Variants in CACNA1D observed in about 807,000 individuals in gnomAD.
CACNA1D encodes voltage-dependent L-type calcium channel subunit alpha-1D.
A neutral mutation model predicts 257.1 loss-of-function variants in CACNA1D; 55 were observed. The observed-to-expected ratio is 0.21, with a 90% CI of 0.17 to 0.27. The LOEUF is 0.27. Ranked by LOEUF, CACNA1D falls within the 10% of genes least tolerant of loss-of-function variation. CACNA1D has a pLI of 1.00. For synonymous variants in CACNA1D, 980 were observed against 1,014.9 expected, an observed-to-expected ratio of 0.97 and a Z score of 0.65; for missense variants, 1,876 against 2,784.0, an observed-to-expected ratio of 0.67 and a Z score of 7.34.
chr3:53,612,318 T>G lies in CACNA1D; in HGVS notation c.484-38461T>G, dbSNP rs1287469923. 3.3e-5 allele frequency among the ~76,000 whole-genome samples: 5 copies of G among 152,332 alleles called. No homozygotes were observed. In the East Asian group the frequency reaches 7.7e-4, roughly 23 times the overall value. ...TGTGGAGCATCTGAATTTTCTTCCTTTAAAGAATGTGTAATTTGTTACGGT... is the reference window on the plus strand; with the variant it reads ...TGTGGAGCATCTGAATTTTCTTCCTGTAAAGAATGTGTAATTTGTTACGGT... On this transcript the variant is annotated intron_variant, in intron 3 of 47. Coordinates refer to ENST00000350061, the MANE Select transcript of CACNA1D (RefSeq NM_001128840.3).
intron 7 of CACNA1D, among the ~76,000 whole-genome samples, chr3:53,671,310 C>T (rs753566086): frequency 8.5e-5 from 13 of 152,168 alleles, no homozygotes; most frequent in Non-Finnish European, 1.5e-4. Flanking sequence ...GATGGGAGCC[C>T]TGGACCTGTC....
At chr3:53,529,823 A>G (rs890279893) in intron 3 of CACNA1D, among the ~76,000 whole-genome samples, 1 of 150,358 alleles carries the variant, frequency 6.7e-6, no homozygotes, top group Admixed American at 6.6e-5. Context: ...AGAATGAATT[A>G]TCTATCTGAT....
rs1156602514 is a variant in CACNA1D, at chr3:53,762,082, G to A, written c.3870+1G>A. 2.5e-6 allele frequency: 4 copies of A among 1,602,192 alleles called. No individual in the cohort carries two copies. Among genetic ancestry groups the A allele is most frequent in the Non-Finnish European group, 2.6e-6 (3 of 1,169,178 alleles). ...AGACGTGGCCCTCAGCGAAGCAGAC[G>A]TGAGTATGCACCTGGCGTGGCCGCC... On this transcript the variant is annotated splice_donor_variant, in intron 30 of 47. Coordinates refer to ENST00000350061, the MANE Select transcript of CACNA1D (RefSeq NM_001128840.3). LOFTEE classifies it high-confidence loss of function.
intron 43 of CACNA1D, among the ~76,000 whole-genome samples, chr3:53,802,712 T>C (rs540475588): frequency 1.1e-4 from 17 of 152,314 alleles, no homozygotes; most frequent in African/African-American, 4.1e-4. Context: ...TGTGTCATGT[T>C]ATGAAGTGAA....
intron 3 of CACNA1D, among the ~76,000 whole-genome samples, chr3:53,521,702 T>G (rs1489336727): frequency 6.6e-6 from 1 of 152,140 alleles, no homozygotes; most frequent in Non-Finnish European, 1.5e-5. Context: ...TGTTAGAAAT[T>G]TTGTCCTTTC....
chr3:53,561,670 A>G (rs1559843823), intron 3 of CACNA1D, among the ~76,000 whole-genome samples: 1 of 152,322 alleles, frequency 6.6e-6, no homozygotes, highest in East Asian at 1.9e-4. Context: ...CTCCTAGATC[A>G]TACTTCTCTT....
chr3:53,650,331 T>G (rs1466445672), intron 3 of CACNA1D, among the ~76,000 whole-genome samples: 1 of 152,242 alleles, frequency 6.6e-6, no homozygotes, highest in African/African-American at 2.4e-5. Flanking sequence ...TCAAAACAGA[T>G]GCATCTTCAT....
intron 19 of CACNA1D, among the ~76,000 whole-genome samples, chr3:53,733,218 T>C (rs994300162): frequency 3.3e-5 from 5 of 152,114 alleles, no homozygotes; most frequent in Non-Finnish European, 5.9e-5. Context: ...CATTCTAGGT[T>C]CTCCTCCCTG....
At chr3:53,646,851 A>G (rs2094026699) in intron 3 of CACNA1D, among the ~76,000 whole-genome samples, 1 of 152,256 alleles carries the variant, frequency 6.6e-6, no homozygotes, top group Non-Finnish European at 1.5e-5. Flanking sequence ...TTCATGCCAC[A>G]GCACTAATAA....
At chr3:53,665,588 T>A (rs2094253517) in intron 5 of CACNA1D, 72 bp from the exon 6 acceptor site, 1 of 1,164,120 alleles carries the variant, frequency 8.6e-7, no homozygotes, top group Non-Finnish European at 1.3e-6. Flanking sequence ...GGAGGCATGG[T>A]TAGGAATTAT....
chr3:53,520,849 C>CTCTTTCTTT (rs746194735), intron 3 of CACNA1D, among the ~76,000 whole-genome samples: 2 of 133,104 alleles, frequency 1.5e-5, no homozygotes, highest in Non-Finnish European at 1.6e-5. Context: ...TTTGCAAACT[C>CTCTTTCTTT]CTTTCTTTCT....
At chr3:53,559,049 C>T (rs531345909) in intron 3 of CACNA1D, among the ~76,000 whole-genome samples, 2 of 151,904 alleles carry the variant, frequency 1.3e-5, no homozygotes, top group Admixed American at 6.5e-5. Context: ...TGAGCCTCTG[C>T]TTATTTTTAT....
intron 45 of CACNA1D, among the ~76,000 whole-genome samples, chr3:53,806,228 C>T (rs867947582): frequency 7.2e-6 from 1 of 138,772 alleles, no homozygotes; most frequent in Non-Finnish European, 1.6e-5. Flanking sequence ...CCCCCTTCCT[C>T]TCCCTTGCCT....
intron 3 of CACNA1D, among the ~76,000 whole-genome samples, chr3:53,570,156 A>T (rs1163181156): frequency 6.6e-6 from 1 of 152,190 alleles, no homozygotes; most frequent in African/African-American, 2.4e-5. Flanking sequence ...GTTAGATTTG[A>T]TTTACATTTC....
chr3:53,776,759 G>A (rs1215168474), intron 36 of CACNA1D, 29 bp downstream of exon 36: 1 of 1,614,254 alleles, frequency 6.2e-7, no homozygotes, highest in East Asian at 2.2e-5. Flanking sequence ...GATTTGGCGT[G>A]TGTGGGTGGA....
intron 3 of CACNA1D, among the ~76,000 whole-genome samples, chr3:53,551,621 A>T (rs1367249941): frequency 6.6e-6 from 1 of 152,140 alleles, no homozygotes; most frequent in East Asian, 1.9e-4. Context: ...ATTTTCCTAA[A>T]CCCACACTTC....
chr3:53,762,778 G>C, intron 30 of CACNA1D: 1 of 366,380 alleles, frequency 2.7e-6, no homozygotes, highest in South Asian at 2.1e-5. Context: ...ATAATTTGTA[G>C]TTTCCTCTAT....
intron 25 of CACNA1D, 86 bp from the exon 26 acceptor site, chr3:53,747,215 GT>G: frequency 8.8e-7 from 1 of 1,134,596 alleles, no homozygotes; most frequent in Non-Finnish European, 1.3e-6. Context: ...CTGCCTGGAG[GT>G]TGGATTGGGG....
chr3:53,541,881 C>A (rs977286201), intron 3 of CACNA1D, among the ~76,000 whole-genome samples: 1 of 152,128 alleles, frequency 6.6e-6, no homozygotes, highest in Non-Finnish European at 1.5e-5. Context: ...TAAGTCAAGG[C>A]AGCTGAGACA....
Sources: gnomAD v4.1 joint callset for allele counts (sites outside exome capture counted in the v4.1 genomes callset) on GRCh38, gnomAD v4.1.1 for gene constraint, MANE v1.5 for transcripts, NCBI Gene and HGNC (gene_info 2026-07-23, HGNC 2026-07-21) for gene names.